Variants in RSRP1 observed in about 807,000 individuals in gnomAD.
RSRP1 encodes arginine and serine rich protein 1, also known as arginine/serine-rich protein 1.
A neutral mutation model predicts 33.0 loss-of-function variants in RSRP1; 37 were observed. The observed-to-expected ratio is 1.12, with a 90% CI of 0.86 to 1.48. RSRP1 has a LOEUF of 1.48. Among genes scored for constraint, RSRP1 ranks in the 40% most tolerant of loss-of-function variants. The pLI is 0.00. For synonymous variants in RSRP1, 167 were observed against 158.7 expected (o/e 1.05, Z -0.40); for missense variants, 402 against 385.3 (o/e 1.04, Z -0.36).
Position 25,306,540 on chromosome 1 carries a change from G to T in RSRP1, c.-67+31438C>A, listed in dbSNP as rs1418669334. ...GATACCAAGGGTGTGTGAAAGGGGT[G>T]GGTAGGGAATATGGGTCTCACCTGC... On this transcript the variant is annotated intron_variant, in intron 1 of 1. Coordinates refer to the RSRP1 transcript ENST00000561867. 1.9e-5 allele frequency: 26 copies of T among 1,351,170 alleles called. 1 individual carries two copies. In the African/African-American group the frequency reaches 3.3e-4, roughly 17 times the overall value. The allele number at this position is 1,351,170 out of a possible 1,614,324, so 83.7% of individuals were successfully genotyped here.
intron 1 of RSRP1, among the ~76,000 whole-genome samples, chr1:25,286,310 G>A (rs1417588489): frequency 1.5e-5 from 2 of 135,390 alleles, no homozygotes; most frequent in African/African-American, 5.1e-5. Flanking sequence ...CTAACACAGT[G>A]AGATCCTGTC....
chr1:25,307,917 G>A, intron 1 of RSRP1: 1 of 970,576 alleles, frequency 1.0e-6, no homozygotes, highest in South Asian at 1.4e-5. Flanking sequence ...CTTAATAACT[G>A]TGCAATTCTA....
At chr1:25,311,765 T>C (rs1196630618) in intron 1 of RSRP1, among the ~76,000 whole-genome samples, 1 of 130,904 alleles carries the variant, frequency 7.6e-6, no homozygotes, top group African/African-American at 2.7e-5. Context: ...CCATCCCAGC[T>C]GTGGTTCAGG....
chr1:25,254,207 T>G (rs2124555051), intron 1 of RSRP1, among the ~76,000 whole-genome samples: 1 of 152,292 alleles, frequency 6.6e-6, no homozygotes, highest in East Asian at 1.9e-4. Context: ...TTGGTGTAAG[T>G]CAGCTGATCT....
chr1:25,329,234 C>CTTTT (rs1186389627), intron 1 of RSRP1: 51 of 331,334 alleles, frequency 1.5e-4, no homozygotes, highest in Non-Finnish European at 1.7e-4. Context: ...ATTATTATTC[C>CTTTT]TTGTTTTTTT....
intron 3 of RSRP1, 50 bp from the exon 4 acceptor site, chr1:25,243,683 C>T (rs1409569951): frequency 6.2e-7 from 1 of 1,600,438 alleles, no homozygotes; most frequent in East Asian, 2.2e-5. Context: ...CCCTTGGTTT[C>T]TAAATCCTAT....
At chr1:25,273,980 G>C (rs1640717019) in intron 1 of RSRP1, among the ~76,000 whole-genome samples, 3 of 131,610 alleles carry the variant, frequency 2.3e-5, no homozygotes, top group African/African-American at 7.8e-5. Context: ...AGACAAACAA[G>C]AGCTGGCACA....
rs1033689503 is a variant in RSRP1 at position 25,273,927 on chromosome 1, T to C, written c.-66-26898A>G. On this transcript the variant is annotated intron_variant, in intron 1 of 1. Coordinates refer to the RSRP1 transcript ENST00000561867. ...AGTAGGACTTAGGGAGGGAAGCCCT[T>C]ATACCATTTAAGGTGCTGGCCCAGA... is the stretch of plus-strand genomic sequence containing the variant. Among the ~76,000 whole-genome samples the C allele has an allele frequency of 1.5e-5, 2 of 130,130 alleles. 1 individual carries two copies. The highest frequency in any genetic ancestry group is 3.6e-5 in the Non-Finnish European group (2 of 54,872). 85.4% of individuals were successfully genotyped at this position (130,130 alleles called of 152,430 possible).
intron 1 of RSRP1, among the ~76,000 whole-genome samples, chr1:25,322,550 G>A (rs1358068103): frequency 7.5e-6 from 1 of 132,516 alleles, no homozygotes; most frequent in African/African-American, 2.6e-5. Context: ...GCACATGCCT[G>A]TAATCCCAGT....
intron 1 of RSRP1, among the ~76,000 whole-genome samples, chr1:25,336,840 A>G (rs1298493922): frequency 4.0e-5 from 6 of 148,662 alleles, no homozygotes; most frequent in Admixed American, 2.6e-4. Context: ...CCATTTAAAA[A>G]CAGGCTATAG....
rs370364125 is a variant in RSRP1 at position 25,306,979 on chromosome 1, T to C, written c.-67+30999A>G. 1.1e-4 allele frequency: 49 copies of C among 442,406 alleles called. 10 individuals carry two copies. The highest frequency in any genetic ancestry group is 1.8e-4 in the Non-Finnish European group (38 of 216,340). 27.4% of individuals were successfully genotyped at this position (442,406 alleles called of 1,614,324 possible). ...GTATAGACCAAAGACACGAAATCTTTTGTGATCCCACAAACACAGAGCAGG... is the reference window on the plus strand; with the variant it reads ...GTATAGACCAAAGACACGAAATCTTCTGTGATCCCACAAACACAGAGCAGG... On this transcript the variant is annotated intron_variant, in intron 1 of 1. Coordinates refer to the RSRP1 transcript ENST00000561867.
At position 25,272,653 on chromosome 1, in the gene RSRP1, G is replaced by A. The variant is rs201595703; in HGVS notation, c.-66-25624C>T. 5.1e-6 allele frequency: 8 copies of A among 1,567,338 alleles called. 1 individual carries two copies. Among genetic ancestry groups the A allele is most frequent in the East Asian group, 2.2e-5 (1 of 44,748 alleles). On this transcript the variant is annotated intron_variant, in intron 1 of 1. Coordinates refer to the RSRP1 transcript ENST00000561867. ...CTTCTATTTTTTTACCCACTATGAC[G>A]CTTCCTTAGAGGATCAAAAGGGGCT...
chr1:25,245,091 A>T, intron 3 of RSRP1, 59 bp downstream of exon 3: 1 of 1,613,812 alleles, frequency 6.2e-7, no homozygotes, highest in Non-Finnish European at 8.5e-7. Context: ...ATAAGTGGCT[A>T]ATCAGATTTG....
chr1:25,258,679 G>A (rs1217051874), intron 1 of RSRP1, among the ~76,000 whole-genome samples: 1 of 152,098 alleles, frequency 6.6e-6, no homozygotes, highest in Non-Finnish European at 1.5e-5. Flanking sequence ...ACTGCTTTAT[G>A]TAATAAAAAC....
chr1:25,245,499 C>T (rs1237923656), intron 2 of RSRP1, among the ~76,000 whole-genome samples, 198 bp from the exon 3 acceptor site: 1 of 152,118 alleles, frequency 6.6e-6, no homozygotes, highest in African/African-American at 2.4e-5. Context: ...TTTTCTCCCC[C>T]TTACTAAATG....
chr1:25,294,426 C>T, intron 1 of RSRP1: 1 of 706,614 alleles, frequency 1.4e-6, no homozygotes, highest in Non-Finnish European at 2.6e-6. Context: ...GAGCAAAACA[C>T]TGACAACCCT....
At chr1:25,321,232 C>T (rs1189443150) in intron 1 of RSRP1, among the ~76,000 whole-genome samples, 1 of 127,762 alleles carries the variant, frequency 7.8e-6, no homozygotes, top group African/African-American at 2.7e-5. Flanking sequence ...CCATAGTAGC[C>T]CATATGTCTT....
At chr1:25,314,945 C>G (rs527297757) in intron 1 of RSRP1, among the ~76,000 whole-genome samples, 1 of 130,828 alleles carries the variant, frequency 7.6e-6, no homozygotes, top group African/African-American at 2.6e-5. Flanking sequence ...TGGCTCACAC[C>G]TGTAATCCCA....
chr1:25,261,236 T>C (rs1323702718), intron 1 of RSRP1, among the ~76,000 whole-genome samples: 1 of 152,212 alleles, frequency 6.6e-6, no homozygotes, highest in Admixed American at 6.5e-5. Context: ...CTTCAAAATA[T>C]GAATCTGAGG....
Sources: allele counts gnomAD v4.1 joint callset (sites outside exome capture counted in the v4.1 genomes callset), GRCh38; gene constraint gnomAD v4.1.1; transcripts MANE v1.5; gene names NCBI Gene and HGNC (gene_info 2026-07-23, HGNC 2026-07-21).